Variants in SPAG16 observed in about 807,000 individuals in gnomAD.
The protein encoded by SPAG16 is sperm associated antigen 16, also known as sperm-associated antigen 16 protein.
SPAG16 carries 86 observed loss-of-function variants against 80.4 expected under a neutral mutation model. The ratio of observed to expected loss-of-function variants is 1.07; its 90% CI spans 0.90 to 1.28. SPAG16 has a LOEUF of 1.28. Ranked by LOEUF, SPAG16 falls within the 50% of genes most tolerant of loss-of-function variation. The pLI is 0.00. For missense variants in SPAG16, 870 were observed against 765.3 expected, an observed-to-expected ratio of 1.14 and a Z score of -1.61; for synonymous variants, 294 against 265.9, an observed-to-expected ratio of 1.11 and a Z score of -1.03.
intron 7 of SPAG16, among the ~76,000 whole-genome samples, chr2:213,353,730 A>G (rs1467977062): frequency 2.6e-5 from 4 of 151,962 alleles, no homozygotes; most frequent in Non-Finnish European, 4.4e-5. Context: ...TCTTTGTTCT[A>G]TTGGATGGAA....
intron 10 of SPAG16, among the ~76,000 whole-genome samples, chr2:213,726,461 A>G (rs1484100950): frequency 6.6e-6 from 1 of 152,250 alleles, no homozygotes; most frequent in East Asian, 1.9e-4. Flanking sequence ...GTGTTTAGCT[A>G]GAGAATACAG....
chr2:214,301,368 TG>T (rs1417790685), intron 15 of SPAG16, among the ~76,000 whole-genome samples: 1 of 151,036 alleles, frequency 6.6e-6, no homozygotes, highest in South Asian at 2.1e-4. Flanking sequence ...TCATATTGAA[TG>T]GGGAAAAGTT....
intron 9 of SPAG16, among the ~76,000 whole-genome samples, chr2:213,432,510 G>A (rs1192416333): frequency 6.6e-6 from 1 of 151,700 alleles, no homozygotes; most frequent in East Asian, 1.9e-4. Context: ...TAAATTCCTG[G>A]GAACATACAA....
At chr2:214,309,292 T>A (rs1695128303) in intron 15 of SPAG16, among the ~76,000 whole-genome samples, 1 of 152,172 alleles carries the variant, frequency 6.6e-6, no homozygotes, top group Non-Finnish European at 1.5e-5. Flanking sequence ...CATAATGTTT[T>A]ATCATTATTT....
chr2:213,642,704 C>T (rs1574615123), intron 10 of SPAG16, among the ~76,000 whole-genome samples: 1 of 61,958 alleles, frequency 1.6e-5, no homozygotes, highest in East Asian at 3.9e-4. Flanking sequence ...GCCTGTAGTC[C>T]CAGCTACTTG....
chr2:213,829,158 T>C (rs1480152248), intron 10 of SPAG16, among the ~76,000 whole-genome samples: 1 of 152,196 alleles, frequency 6.6e-6, no homozygotes, highest in Non-Finnish European at 1.5e-5. Context: ...CCAGAGTTGC[T>C]GTCTGGGAGC....
intron 10 of SPAG16, among the ~76,000 whole-genome samples, chr2:213,837,281 C>G (rs1265645121): frequency 6.6e-6 from 1 of 152,168 alleles, no homozygotes; most frequent in Non-Finnish European, 1.5e-5. Flanking sequence ...AATCTATTTA[C>G]TATATAGGCC....
At chr2:214,010,028 A>C (rs945882843) in intron 12 of SPAG16, among the ~76,000 whole-genome samples, 1 of 118,366 alleles carries the variant, frequency 8.4e-6, no homozygotes, top group African/African-American at 4.2e-5. Flanking sequence ...TAATTCACAC[A>C]AAAGTACTCT....
intron 13 of SPAG16, among the ~76,000 whole-genome samples, chr2:214,103,915 G>T (rs1373455521): frequency 1.3e-5 from 2 of 151,618 alleles, no homozygotes; most frequent in African/African-American, 2.4e-5. Flanking sequence ...TCCCTCTGGG[G>T]AGTGGGGGTT....
chr2:213,714,600 A>G (rs773434713), intron 10 of SPAG16, among the ~76,000 whole-genome samples: 32 of 152,164 alleles, frequency 2.1e-4, no homozygotes, highest in Non-Finnish European at 3.1e-4. Flanking sequence ...AAATTTTTCC[A>G]TTTCCTAATA....
chr2:213,901,391 TA>T (rs1456249830), intron 11 of SPAG16, among the ~76,000 whole-genome samples: 2 of 152,204 alleles, frequency 1.3e-5, no homozygotes, highest in Non-Finnish European at 2.9e-5. Context: ...TGGTCCATTT[TA>T]AGAGTAGATG....
intron 13 of SPAG16, among the ~76,000 whole-genome samples, chr2:214,014,280 T>C (rs1022080391): frequency 3.3e-5 from 5 of 152,198 alleles, no homozygotes; most frequent in African/African-American, 1.2e-4. Flanking sequence ...AAAAATAATA[T>C]GATTATCTCA....
At chr2:213,500,851 G>T (rs1306177499) in intron 10 of SPAG16, among the ~76,000 whole-genome samples, 1 of 152,218 alleles carries the variant, frequency 6.6e-6, no homozygotes, top group African/African-American at 2.4e-5. Flanking sequence ...GGGCCTCCTA[G>T]TGTCCAAACA....
intron 11 of SPAG16, among the ~76,000 whole-genome samples, chr2:213,905,475 TGAA>T (rs2077394307): frequency 6.6e-6 from 1 of 152,308 alleles, no homozygotes; most frequent in Non-Finnish European, 1.5e-5. Flanking sequence ...TTATAAAACT[TGAA>T]GAAGTGTTTG....
chr2:213,359,196 C>A (rs551365276), intron 7 of SPAG16, among the ~76,000 whole-genome samples: 1 of 152,198 alleles, frequency 6.6e-6, no homozygotes, highest in Admixed American at 6.5e-5. Context: ...TCGGCCCCTA[C>A]TGGGAGGTGT....
chr2:213,384,375 C>A (rs2067320182), intron 9 of SPAG16, among the ~76,000 whole-genome samples: 3 of 152,124 alleles, frequency 2.0e-5, no homozygotes, highest in African/African-American at 4.8e-5. Flanking sequence ...GTTAAATGAC[C>A]ATCAGATGGG....
chr2:213,742,031 T>A (rs2067577031), intron 10 of SPAG16, among the ~76,000 whole-genome samples: 1 of 152,126 alleles, frequency 6.6e-6, no homozygotes, highest in Non-Finnish European at 1.5e-5. Flanking sequence ...CTAGTTCTCA[T>A]TTGTTTTTAA....
chr2:213,344,782 T>A (rs1325012880), intron 6 of SPAG16, among the ~76,000 whole-genome samples: 7 of 152,160 alleles, frequency 4.6e-5, no homozygotes, highest in African/African-American at 9.7e-5. Flanking sequence ...TCTATCATTG[T>A]TGGACATTTG....
intron 13 of SPAG16, among the ~76,000 whole-genome samples, chr2:214,091,393 A>C (rs537122974): frequency 3.9e-5 from 6 of 152,254 alleles, no homozygotes; most frequent in African/African-American, 1.4e-4. Flanking sequence ...TCAGAAACAG[A>C]GCCAGTATTC....
Sources: gnomAD v4.1 joint callset for allele counts (sites outside exome capture counted in the v4.1 genomes callset) on GRCh38, gnomAD v4.1.1 for gene constraint, MANE v1.5 for transcripts, NCBI Gene and HGNC (gene_info 2026-07-23, HGNC 2026-07-21) for gene names.